The following NCSTN variants were observed in gnomAD, a reference collection of about 807,000 sequenced individuals.
The protein encoded by NCSTN is anterior pharynx-defective 2.
A neutral mutation model predicts 87.0 loss-of-function variants in NCSTN; 22 were observed. The observed-to-expected ratio is 0.25, with a 90% CI of 0.18 to 0.36. The LOEUF (loss-of-function observed/expected upper bound fraction) is 0.36, where lower values mean the gene tolerates loss of function less well. Ranked by LOEUF, NCSTN falls within the 10% of genes least tolerant of loss-of-function variation. NCSTN has a pLI of 1.00. For synonymous variants in NCSTN, 306 were observed against 327.1 expected (o/e 0.94, Z 0.69); for missense variants, 693 against 883.3 (o/e 0.78, Z 2.73).
At chr1:160,351,109 GAAAAGGGTGTGGCTCCATCCC>G in intron 5 of NCSTN, 92 bp from the exon 6 acceptor site, 1 of 1,105,676 alleles carries the variant, frequency 9.0e-7, no homozygotes, top group Non-Finnish European at 1.4e-6. Flanking sequence ...AAATGTCTCC[GAAAAGGGTGTGGCTCCATCCC>G]AAAAGGATGG....
At position 160,349,106 on chromosome 1, in the gene NCSTN, A is replaced by G. The variant is rs1648687816; in HGVS notation, c.298A>G (p.Ser100Gly). The G allele has an allele frequency of 6.2e-7, 1 of 1,614,034 alleles. No individual in the cohort carries two copies. The highest frequency in any genetic ancestry group is 1.3e-5 in the African/African-American group (1 of 74,908). The change falls in exon 3 of 17, where the codon AGC becomes GGC. Residue 100 changes from serine (S) to glycine (G), a missense_variant. By Grantham distance (56) the Ser-to-Gly change is moderately conservative (BLOSUM62 0). Coordinates refer to ENST00000294785, the MANE Select transcript of NCSTN (RefSeq NM_015331.3). ...PNPPYMVLLESKHFTRDLMEK... is the reference protein window; with the variant it reads ...PNPPYMVLLEGKHFTRDLMEK... Reference sequence around the variant, plus strand: ...CCCCCCTTACATGGTTCTGCTGGAGAGCAAGCATTTTACCAGGTAAGAACT... The same window carrying G: ...CCCCCCTTACATGGTTCTGCTGGAGGGCAAGCATTTTACCAGGTAAGAACT...
chr1:160,345,333 C>T (rs1448834164), intron 2 of NCSTN, among the ~76,000 whole-genome samples: 4 of 152,072 alleles, frequency 2.6e-5, no homozygotes, highest in Non-Finnish European at 5.9e-5. Flanking sequence ...GCTGGGATTA[C>T]ATGCACCTGC....
chr1:160,350,278 T>A lies in NCSTN; in HGVS notation c.582+28T>A, dbSNP rs143605565. On this transcript the variant is annotated intron_variant, in intron 5 of 16. Transcript: ENST00000294785. ...AATGACACTGCCAGCTCCTAGCAAT[T>A]CCAGTTAGAAAGAAGATTATTTTTC... The A allele has an allele frequency of 2.3e-4, 377 of 1,612,208 alleles. 4 individuals are homozygous for A. In the East Asian group the frequency reaches 5.8e-3, roughly 25 times the overall value.
At chr1:160,351,066 A>G (rs572991976) in intron 5 of NCSTN, among the ~76,000 whole-genome samples, 156 bp from the exon 6 acceptor site, 1 of 152,172 alleles carries the variant, frequency 6.6e-6, no homozygotes, top group African/African-American at 2.4e-5. Flanking sequence ...TATAGATCCT[A>G]TGGTGGTTCT....
At chr1:160,346,838 C>G (rs1394478707) in intron 2 of NCSTN, among the ~76,000 whole-genome samples, 3 of 152,128 alleles carry the variant, frequency 2.0e-5, no homozygotes, top group Non-Finnish European at 4.4e-5. Flanking sequence ...AACCCCTGAC[C>G]TCGTGATCTG....
intron 4 of NCSTN, 42 bp from the exon 5 acceptor site, chr1:160,350,063 G>A (rs1421167292): frequency 6.2e-7 from 1 of 1,604,334 alleles, no homozygotes; most frequent in South Asian, 1.1e-5. Flanking sequence ...AGTACTTGGT[G>A]TCCCAGTAAC....
intron 7 of NCSTN, 110 bp downstream of exon 7, chr1:160,351,915 G>C: frequency 6.8e-7 from 1 of 1,463,578 alleles, no homozygotes; most frequent in Non-Finnish European, 9.6e-7. Context: ...GCCTCAAATG[G>C]GGAGGAATCT....
intron 3 of NCSTN, 196 bp from the exon 4 acceptor site, chr1:160,349,353 C>G: frequency 1.0e-6 from 1 of 953,140 alleles, no homozygotes; most frequent in Non-Finnish European, 1.7e-6. Flanking sequence ...CCCTCCCTCC[C>G]TGGGGTCCTT....
chr1:160,350,710 G>GT (rs1359018700), intron 5 of NCSTN, among the ~76,000 whole-genome samples: 3 of 145,748 alleles, frequency 2.1e-5, no homozygotes, highest in East Asian at 4.0e-4. Flanking sequence ...CACTAGTATC[G>GT]TTAAAAAAAA....
At chr1:160,353,418 C>G (rs1648972352) in intron 10 of NCSTN, 181 bp downstream of exon 10, 2 of 1,496,046 alleles carry the variant, frequency 1.3e-6, no homozygotes, top group East Asian at 5.0e-5. Context: ...ATCAGGAACT[C>G]AGTGACATTC....
At chr1:160,344,515 C>G (rs545616100) in intron 1 of NCSTN, 2 of 1,548,004 alleles carry the variant, frequency 1.3e-6, no homozygotes, top group Admixed American at 2.0e-5. Context: ...TGTAATAACC[C>G]TTTGAGGCAC....
chr1:160,349,113 A>T lies in NCSTN; in HGVS notation c.305A>T (p.His102Leu), dbSNP rs748172442. ...PPYMVLLESK[H>L]FTRDLMEKLK... Reference sequence around the variant, plus strand: ...TACATGGTTCTGCTGGAGAGCAAGCATTTTACCAGGTAAGAACTAGATGTA... The same window carrying T: ...TACATGGTTCTGCTGGAGAGCAAGCTTTTTACCAGGTAAGAACTAGATGTA... The change falls in exon 3 of 17, where the codon CAT (histidine) becomes CTT (leucine). Residue 102 changes from histidine (H) to leucine (L), a missense_variant. His to Leu is a moderately conservative substitution (Grantham distance 99). Around this residue, in one of 4 missense-constraint regions of NCSTN, gnomAD observed 235 missense variants for 233.9 expected, o/e 1.00. Coordinates refer to ENST00000294785, the MANE Select transcript of NCSTN (RefSeq NM_015331.3). 3 of 1,614,180 alleles carry T rather than the reference A, an allele frequency of 1.9e-6. No homozygotes were observed.
chr1:160,348,866 A>G (rs571822690), intron 2 of NCSTN, 133 bp from the exon 3 acceptor site: 1 of 1,299,966 alleles, frequency 7.7e-7, no homozygotes, highest in African/African-American at 1.5e-5. Flanking sequence ...TTTTCAGTTC[A>G]AATCTAGAGG....
Position 160,352,925 on chromosome 1 carries a change from C to CG in NCSTN, c.1036dup (p.Asp346GlyfsTer15). 6.2e-7 allele frequency: 1 copy of CG among 1,614,114 alleles called. No individual in the cohort carries two copies. Among genetic ancestry groups the CG allele is most frequent in the South Asian group, 1.1e-5 (1 of 91,080 alleles). On this transcript the variant is annotated frameshift_variant, in exon 9 of 17. Coordinates refer to ENST00000294785, the MANE Select transcript of NCSTN (RefSeq NM_015331.3). LOFTEE classifies it high-confidence loss of function. ...ACATTGGCAGCTCGAGGATGGTCTACGATATGGAGAAGGGCAAGTTTCCCG... is the reference window on the plus strand; with the variant it reads ...ACATTGGCAGCTCGAGGATGGTCTACGGATATGGAGAAGGGCAAGTTTCCCG...
At position 160,343,479 on chromosome 1, in the gene NCSTN, C is replaced by T; in HGVS notation, c.83C>T (p.Ala28Val). The T allele has an allele frequency of 6.2e-7, 1 of 1,607,140 alleles. No homozygotes were observed. Among genetic ancestry groups the T allele is most frequent in the Non-Finnish European group, 8.5e-7 (1 of 1,177,546 alleles). ...LRLLSFCVLL[A>V]GLCRGNSVER... is the part of the protein sequence containing the mutation. ...CTTCTGTCTTTCTGCGTCCTACTAG[C>T]AGGTGAGGCCTCCCCGCCCGTGAGC... The change falls in exon 1 of 17, where the codon GCA (alanine) becomes GTA (valine). Residue 28 changes from alanine (A) to valine (V), a missense_variant and splice_region_variant. By Grantham distance (64) the Ala-to-Val change is moderately conservative (BLOSUM62 0). Around this residue, in one of 4 missense-constraint regions of NCSTN, gnomAD observed 235 missense variants for 233.9 expected, o/e 1.00. Coordinates refer to ENST00000294785, the MANE Select transcript of NCSTN (RefSeq NM_015331.3).
intron 4 of NCSTN, 147 bp downstream of exon 4, chr1:160,349,817 G>C: frequency 8.0e-7 from 1 of 1,244,550 alleles, no homozygotes; most frequent in Non-Finnish European, 1.2e-6. Context: ...GTGTTTATTT[G>C]TCTTTGCTGC....
chr1:160,348,517 C>T (rs576076850), intron 2 of NCSTN, among the ~76,000 whole-genome samples: 64 of 152,196 alleles, frequency 4.2e-4, no homozygotes, highest in African/African-American at 1.5e-3. Flanking sequence ...CATCTAAAAC[C>T]GGCCAGAAGC....
intron 8 of NCSTN, 127 bp from the exon 9 acceptor site, chr1:160,352,760 G>T: frequency 1.3e-6 from 1 of 757,818 alleles, no homozygotes; most frequent in South Asian, 1.5e-5. Flanking sequence ...ATGACTGTAA[G>T]CTGACTAGCA....
chr1:160,352,356 A>G lies in NCSTN; in HGVS notation c.996+150A>G, dbSNP rs1214716235. On this transcript the variant is annotated intron_variant, in intron 8 of 16. Coordinates refer to ENST00000294785, the MANE Select transcript of NCSTN (RefSeq NM_015331.3). Reference sequence around the variant, plus strand: ...ATGTGTCTACATGTGTCTCCCCTTTAGATTCCTCCATTTTAGGAAGCTTAG... The same window carrying G: ...ATGTGTCTACATGTGTCTCCCCTTTGGATTCCTCCATTTTAGGAAGCTTAG... 2.4e-5 allele frequency: 23 copies of G among 974,572 alleles called. No homozygotes were observed. The South Asian group carries it at 3.4e-4, about 14-fold the overall frequency. 60.4% of individuals were successfully genotyped at this position (974,572 alleles called of 1,614,324 possible). A position where few individuals can be genotyped will look rare whatever the true frequency, so the allele number is the denominator to read the frequency against.
Sources: allele counts gnomAD v4.1 joint callset (sites outside exome capture counted in the v4.1 genomes callset), GRCh38; gene constraint gnomAD v4.1.1; regional missense constraint gnomAD v4.1.1; transcripts MANE v1.5; gene names NCBI Gene and HGNC (gene_info 2026-07-23, HGNC 2026-07-21).